The following CTNNA2 variants were observed in gnomAD, a reference collection of about 807,000 sequenced individuals.
CTNNA2 encodes the protein catenin alpha 2, also known as catenin alpha-2.
A neutral mutation model predicts 101.0 loss-of-function variants in CTNNA2; 42 were observed. The observed-to-expected ratio is 0.42, with a 90% CI of 0.32 to 0.54. The LOEUF (loss-of-function observed/expected upper bound fraction) is 0.54, where lower values mean the gene tolerates loss of function less well. Ranked by LOEUF, CTNNA2 falls within the 20% of genes least tolerant of loss-of-function variation. CTNNA2 has a pLI of 0.14. For synonymous variants in CTNNA2, 450 were observed against 456.4 expected, an observed-to-expected ratio of 0.99 and a Z score of 0.18; for missense variants, 871 against 1,223.1, an observed-to-expected ratio of 0.71 and a Z score of 4.29.
At chr2:79,435,536 G>T (rs1391132725) in intron 4 of CTNNA2, among the ~76,000 whole-genome samples, 1 of 152,158 alleles carries the variant, frequency 6.6e-6, no homozygotes, top group Non-Finnish European at 1.5e-5. Flanking sequence ...CCTGAAAAAG[G>T]TACTCTAACT....
intron 2 of CTNNA2, among the ~76,000 whole-genome samples, chr2:79,217,332 C>T (rs1674277204): frequency 6.6e-6 from 1 of 152,162 alleles, no homozygotes; most frequent in Admixed American, 6.5e-5. Context: ...TGTGAAGAGA[C>T]CACCAAACAG....
intron 3 of CTNNA2, among the ~76,000 whole-genome samples, chr2:79,811,801 A>G (rs981023916): frequency 1.3e-5 from 2 of 152,182 alleles, no homozygotes; most frequent in African/African-American, 2.4e-5. Context: ...TAGTCAATCT[A>G]TGGATCTATC....
At position 80,370,578 on chromosome 2, in the gene CTNNA2, A is replaced by C. The variant is rs906664556; in HGVS notation, c.1057-22633A>C. Reference sequence around the variant, plus strand: ...TGACTTAACTATCGAGGAGAAAAAAACTTAAAAATTATCTAGTTCTAACAC... The same window carrying C: ...TGACTTAACTATCGAGGAGAAAAAACCTTAAAAATTATCTAGTTCTAACAC... On this transcript the variant is annotated intron_variant, in intron 7 of 18. Transcript: ENST00000402739. 2.6e-5 allele frequency among the ~76,000 whole-genome samples: 4 copies of C among 152,268 alleles called. No individual in the cohort carries two copies. The South Asian group carries it at 8.3e-4, about 32-fold the overall frequency.
intron 7 of CTNNA2, among the ~76,000 whole-genome samples, chr2:80,215,421 G>A (rs533063292): frequency 2.6e-5 from 4 of 152,246 alleles, no homozygotes; most frequent in South Asian, 4.2e-4. Context: ...TGATGATGGC[G>A]ATGTACAGGT....
At chr2:80,351,917 C>T (rs1384259889) in intron 7 of CTNNA2, among the ~76,000 whole-genome samples, 2 of 152,070 alleles carry the variant, frequency 1.3e-5, no homozygotes, top group African/African-American at 4.8e-5. Context: ...AGCATATTAG[C>T]CACTCAATTT....
intron 7 of CTNNA2, among the ~76,000 whole-genome samples, chr2:80,100,144 G>GA: frequency 1.3e-5 from 2 of 152,136 alleles, no homozygotes; most frequent in Middle Eastern, 3.4e-3. Flanking sequence ...ATGTTGGTCA[G>GA]GCTGGTCTCG....
chr2:79,442,833 T>G (rs1041257482), intron 4 of CTNNA2, among the ~76,000 whole-genome samples: 2 of 152,082 alleles, frequency 1.3e-5, no homozygotes, highest in Non-Finnish European at 2.9e-5. Context: ...CAAAGCAGAG[T>G]GGTAATGACT....
intron 7 of CTNNA2, among the ~76,000 whole-genome samples, chr2:80,318,691 C>T (rs2149242309): frequency 1.3e-5 from 2 of 152,256 alleles, no homozygotes; most frequent in South Asian, 4.1e-4. Context: ...TGAAATGTAA[C>T]ATTGTCCCTG....
chr2:79,628,181 G>A (rs2104337050), intron 1 of CTNNA2, among the ~76,000 whole-genome samples: 1 of 152,204 alleles, frequency 6.6e-6, no homozygotes, highest in East Asian at 1.9e-4. Context: ...GCCAGGCATG[G>A]TGGCTCACGC....
chr2:80,084,830 T>C (rs1341963745), intron 7 of CTNNA2, among the ~76,000 whole-genome samples: 1 of 152,090 alleles, frequency 6.6e-6, no homozygotes, highest in Non-Finnish European at 1.5e-5. Flanking sequence ...TGTTCTGTGA[T>C]GTTTTAGGTA....
At chr2:79,615,815 A>G (rs866884401) in intron 1 of CTNNA2, among the ~76,000 whole-genome samples, 2 of 152,128 alleles carry the variant, frequency 1.3e-5, no homozygotes, top group South Asian at 2.1e-4. Flanking sequence ...TTTCCGCAAT[A>G]TGAAGTGTGT....
intron 4 of CTNNA2, among the ~76,000 whole-genome samples, chr2:79,471,940 C>A (rs1205857327): frequency 6.6e-6 from 1 of 152,136 alleles, no homozygotes; most frequent in Non-Finnish European, 1.5e-5. Context: ...TTCTTACATG[C>A]AAAATACATT....
rs188116434 is a variant in CTNNA2 at position 80,642,265 on chromosome 2, G to C, written c.2575-5320G>C. ...GTTTAGATATCATGCCCACAATGAA[G>C]CTGTTTCCCTTCTCCTATCCCTACT... is the stretch of plus-strand genomic sequence containing the variant. On this transcript the variant is annotated intron_variant, in intron 18 of 18. Transcript: ENST00000402739. Among the ~76,000 whole-genome samples, 203 of 152,210 alleles carry C rather than the reference G, an allele frequency of 1.3e-3. 2 individuals carry two copies. The highest frequency in any genetic ancestry group is 4.2e-3 in the African/African-American group (176 of 41,522).
At chr2:79,288,018 C>T (rs567341820) in intron 2 of CTNNA2, among the ~76,000 whole-genome samples, 497 of 152,338 alleles carry the variant, frequency 3.3e-3, no homozygotes, top group African/African-American at 0.011. Flanking sequence ...TTCCAGGTGC[C>T]GTCTGTCACC....
chr2:80,084,411 A>C (rs2148810020), intron 7 of CTNNA2, among the ~76,000 whole-genome samples: 1 of 152,186 alleles, frequency 6.6e-6, no homozygotes, highest in South Asian at 2.1e-4. Context: ...AATTTTTAAC[A>C]AAGTCCTTTT....
intron 7 of CTNNA2, among the ~76,000 whole-genome samples, chr2:80,253,343 C>T (rs910336935): frequency 3.3e-5 from 5 of 152,148 alleles, no homozygotes; most frequent in Admixed American, 1.3e-4. Flanking sequence ...TCATGACCAC[C>T]CTGACTTTTT....
intron 4 of CTNNA2, among the ~76,000 whole-genome samples, chr2:79,476,774 C>T (rs1379235324): frequency 6.6e-6 from 1 of 152,174 alleles, no homozygotes; most frequent in Non-Finnish European, 1.5e-5. Context: ...ACAATTTTTG[C>T]TAGCCACTCG....
intron 2 of CTNNA2, among the ~76,000 whole-genome samples, chr2:79,712,485 C>T (rs1348238185): frequency 6.6e-6 from 1 of 152,138 alleles, no homozygotes; most frequent in Non-Finnish European, 1.5e-5. Flanking sequence ...CTAGCTGTAA[C>T]ATCCTACATC....
upstream of CTNNA2, among the ~76,000 whole-genome samples, chr2:79,512,642 G>A (rs898366025): frequency 5.3e-5 from 8 of 151,322 alleles, no homozygotes; most frequent in Non-Finnish European, 8.8e-5. Context: ...TTCAGCTCCG[G>A]GTCCCCGCCC....
Sources: allele counts gnomAD v4.1 joint callset (sites outside exome capture counted in the v4.1 genomes callset), GRCh38; gene constraint gnomAD v4.1.1; transcripts MANE v1.5; gene names NCBI Gene and HGNC (gene_info 2026-07-23, HGNC 2026-07-21).